The following ZNF385D variants were observed in gnomAD, a reference collection of about 807,000 sequenced individuals.
ZNF385D encodes the protein zinc finger protein 659.
A neutral mutation model predicts 35.8 loss-of-function variants in ZNF385D; 15 were observed. That is an observed-to-expected ratio of 0.42 (90% CI 0.28 to 0.64). ZNF385D has a LOEUF of 0.64. Ranked by LOEUF, ZNF385D falls within the 30% of genes least tolerant of loss-of-function variation. The pLI, the probability that ZNF385D is intolerant of heterozygous loss-of-function variation, is 0.23. For missense variants in ZNF385D, 474 were observed against 494.6 expected (o/e 0.96, Z 0.39); for synonymous variants, 212 against 186.8 (o/e 1.13, Z -1.10).
At chr3:21,757,743 A>C (rs1470523139) in intron 3 of ZNF385D, among the ~76,000 whole-genome samples, 5 of 152,122 alleles carry the variant, frequency 3.3e-5, no homozygotes, top group Admixed American at 6.5e-5. Flanking sequence ...CCTTTATCTC[A>C]TACAGAGGAA....
intron 3 of ZNF385D, among the ~76,000 whole-genome samples, chr3:21,784,221 T>A (rs918004200): frequency 1.3e-5 from 2 of 152,210 alleles, no homozygotes; most frequent in Non-Finnish European, 2.9e-5. Context: ...AAAATCCATG[T>A]TTAAAGCAAA....
intron 3 of ZNF385D, among the ~76,000 whole-genome samples, chr3:22,057,465 CA>C: frequency 6.6e-6 from 1 of 152,050 alleles, no homozygotes; most frequent in East Asian, 1.9e-4. Flanking sequence ...TGGATAAAAG[CA>C]GATGCAAATT....
rs116873893 is a variant in ZNF385D, at chr3:21,578,693, C to T, written c.166-14009G>A. ...CTCTATTCTGTTCCATTGGTTGATACGCCTGCTTTCATGCCAGAACCATGC... is the reference window on the plus strand; with the variant it reads ...CTCTATTCTGTTCCATTGGTTGATATGCCTGCTTTCATGCCAGAACCATGC... On this transcript the variant is annotated intron_variant, in intron 2 of 7. Coordinates refer to ENST00000281523, the MANE Select transcript of ZNF385D (RefSeq NM_024697.3). Among the ~76,000 whole-genome samples the T allele has an allele frequency of 7.7e-3, 1,166 of 152,122 alleles. 29 individuals are homozygous for T. The East Asian group carries it at 0.079, about 10-fold the overall frequency.
In ZNF385D at chr3:22,246,373, T is replaced by C. The variant is rs547274021; in HGVS notation, c.107-77338A>G. Among the ~76,000 whole-genome samples, 3 of 152,118 alleles carry C rather than the reference T, an allele frequency of 2.0e-5. 1 individual carries two copies. Among genetic ancestry groups the C allele is most frequent in the Admixed American group, 1.3e-4 (2 of 15,248 alleles). On this transcript the variant is annotated intron_variant, in intron 2 of 5. Coordinates refer to the ZNF385D transcript ENST00000494108. ...ACCACAGCCCAAATAATTTCCCTAA[T>C]GTGTTATGAATACCTTACTCAACAT...
intron 4 of ZNF385D, among the ~76,000 whole-genome samples, chr3:21,500,107 G>A (rs950389584): frequency 7.9e-5 from 12 of 152,292 alleles, no homozygotes; most frequent in Non-Finnish European, 1.6e-4. Context: ...TCTGGGAAAT[G>A]CTCAGCCCAA....
At chr3:22,255,047 A>G (rs894358543) in intron 2 of ZNF385D, among the ~76,000 whole-genome samples, 6 of 151,868 alleles carry the variant, frequency 4.0e-5, no homozygotes, top group African/African-American at 1.2e-4. Context: ...TTTAAAATCT[A>G]TGTATTATTC....
At chr3:22,056,521 A>G (rs1181408448) in intron 3 of ZNF385D, among the ~76,000 whole-genome samples, 4 of 152,168 alleles carry the variant, frequency 2.6e-5, no homozygotes, top group Non-Finnish European at 5.9e-5. Context: ...TAGGGTGTAC[A>G]TCTTCCTAAA....
chr3:22,133,990 A>C (rs1703957431), intron 3 of ZNF385D: 1 of 152,268 alleles, frequency 6.6e-6, no homozygotes, highest in African/African-American at 2.4e-5. Context: ...AATGTTCTGT[A>C]AACTATAGAA....
intron 6 of ZNF385D, among the ~76,000 whole-genome samples, chr3:21,424,724 G>C (rs1461109854): frequency 6.9e-6 from 1 of 145,604 alleles, no homozygotes; most frequent in Non-Finnish European, 1.5e-5. Flanking sequence ...TTTACAAAGG[G>C]AAGGAATGTC....
intron 3 of ZNF385D, among the ~76,000 whole-genome samples, chr3:21,774,775 G>A (rs926959559): frequency 1.3e-5 from 2 of 151,858 alleles, no homozygotes; most frequent in Admixed American, 6.6e-5. Context: ...TCACTGAAAT[G>A]GGTACTTAGA....
chr3:21,736,339 G>C (rs562136007), intron 1 of ZNF385D, among the ~76,000 whole-genome samples: 1 of 152,154 alleles, frequency 6.6e-6, no homozygotes, highest in East Asian at 1.9e-4. Flanking sequence ...TTATTTCTAA[G>C]CCTATTGTGT....
At chr3:22,227,405 T>C (rs1002149522) in intron 2 of ZNF385D, among the ~76,000 whole-genome samples, 1 of 152,146 alleles carries the variant, frequency 6.6e-6, no homozygotes, top group African/African-American at 2.4e-5. Flanking sequence ...TCCTACTCCA[T>C]ACTATGGAGG....
chr3:21,586,286 C>T (rs553044039), intron 2 of ZNF385D, among the ~76,000 whole-genome samples: 1 of 152,154 alleles, frequency 6.6e-6, no homozygotes, highest in South Asian at 2.1e-4. Context: ...AATAGTGCAT[C>T]CATTACTGTT....
chr3:21,872,037 TA>T (rs969619704), intron 3 of ZNF385D, among the ~76,000 whole-genome samples: 7 of 152,208 alleles, frequency 4.6e-5, no homozygotes, highest in African/African-American at 1.7e-4. Context: ...TAATAATTTT[TA>T]AAAAAAGATT....
At chr3:22,154,245 C>G (rs977628124) in intron 3 of ZNF385D, among the ~76,000 whole-genome samples, 1 of 152,248 alleles carries the variant, frequency 6.6e-6, no homozygotes, top group South Asian at 2.1e-4. Context: ...ATTTCCAGCT[C>G]TATCAGATAA....
intron 2 of ZNF385D, among the ~76,000 whole-genome samples, chr3:21,565,628 A>AATT (rs1553613789): frequency 1.3e-5 from 2 of 152,106 alleles, no homozygotes; most frequent in Non-Finnish European, 2.9e-5. Flanking sequence ...TAATTCATGA[A>AATT]ATTTACTTAG....
intron 2 of ZNF385D, among the ~76,000 whole-genome samples, chr3:22,202,804 G>A (rs114778426): frequency 6.6e-6 from 1 of 152,094 alleles, no homozygotes. Flanking sequence ...TCCCAGCACT[G>A]AGCAGAGCTC....
At chr3:21,830,121 C>CA (rs113499876) in intron 3 of ZNF385D, among the ~76,000 whole-genome samples, 44,414 of 151,024 alleles carry the variant, frequency 0.29, 6,745 homozygotes, top group Admixed American at 0.32. Context: ...GACACTCTGT[C>CA]AAAAAAAATA....
intron 2 of ZNF385D, among the ~76,000 whole-genome samples, chr3:21,597,718 C>G (rs766997434): frequency 1.3e-5 from 2 of 152,092 alleles, no homozygotes; most frequent in African/African-American, 4.8e-5. Context: ...TGTGATTTAT[C>G]TGGAACATTA....
Sources: gnomAD v4.1 joint callset for allele counts (sites outside exome capture counted in the v4.1 genomes callset) on GRCh38, gnomAD v4.1.1 for gene constraint, MANE v1.5 for transcripts, NCBI Gene and HGNC (gene_info 2026-07-23, HGNC 2026-07-21) for gene names.